Variants in FRYL observed in about 807,000 individuals in gnomAD.
The protein encoded by FRYL is protein furry homolog-like.
FRYL carries 150 observed loss-of-function variants against 351.2 expected under a neutral mutation model. That is an observed-to-expected ratio of 0.43 (90% CI 0.37 to 0.49). The LOEUF (loss-of-function observed/expected upper bound fraction) is 0.49. FRYL is among the 20% of genes least tolerant of loss of function. FRYL has a pLI of 0.00. For synonymous variants in FRYL, 1,153 were observed against 1,257.1 expected (o/e 0.92, Z 1.75); for missense variants, 3,036 against 3,619.3 (o/e 0.84, Z 4.13).
At chr4:48,609,221 C>T in intron 8 of FRYL, among the ~76,000 whole-genome samples, 154 bp from the exon 9 acceptor site, 1 of 152,232 alleles carries the variant, frequency 6.6e-6, no homozygotes, top group South Asian at 2.1e-4. Flanking sequence ...ATTCTATCTT[C>T]AATTTTACTT....
At chr4:48,679,325 G>A (rs1015851648) in intron 3 of FRYL, among the ~76,000 whole-genome samples, 3 of 151,838 alleles carry the variant, frequency 2.0e-5, no homozygotes, top group African/African-American at 4.8e-5. Flanking sequence ...ATTCTTTTAC[G>A]TAACTGGTAT....
intron 50 of FRYL, among the ~76,000 whole-genome samples, chr4:48,530,143 T>C (rs1727218868): frequency 6.6e-6 from 1 of 152,176 alleles, no homozygotes; most frequent in Non-Finnish European, 1.5e-5. Flanking sequence ...TGAGTCAACA[T>C]GTCCAAGACG....
At chr4:48,648,315 T>C (rs1490128006) in intron 3 of FRYL, among the ~76,000 whole-genome samples, 1 of 152,260 alleles carries the variant, frequency 6.6e-6, no homozygotes, top group African/African-American at 2.4e-5. Context: ...GTTTTTGCTA[T>C]TCTACATGGT....
At chr4:48,565,156 T>G in intron 29 of FRYL, 113 bp from the exon 30 acceptor site, 2 of 543,090 alleles carry the variant, frequency 3.7e-6, no homozygotes, top group Non-Finnish European at 3.2e-6. Context: ...ATCTTTTTTC[T>G]TTACAAATTA....
chr4:48,505,665 G>C (rs1720744261), intron 59 of FRYL, 50 bp from the exon 60 acceptor site: 1 of 1,138,020 alleles, frequency 8.8e-7, no homozygotes, highest in Non-Finnish European at 1.3e-6. Flanking sequence ...AATGGGTAGT[G>C]TAACAGCCTG....
chr4:48,564,497 TTAA>T (rs1433428710), intron 30 of FRYL, among the ~76,000 whole-genome samples: 8 of 152,192 alleles, frequency 5.3e-5, no homozygotes, highest in Non-Finnish European at 1.0e-4. Flanking sequence ...AAGTCCTATT[TTAA>T]ATTGTGAAGT....
In FRYL at chr4:48,580,681, C is replaced by T. The variant is rs548806284; in HGVS notation, c.2259+184G>A. The stretch of plus-strand genomic sequence containing the variant: ...TATTTCTATGTAGAAGAGTACTTAA[C>T]CAAGTATAAATGAATGTCACTTTTT... On this transcript the variant is annotated intron_variant, in intron 22 of 63. Transcript: ENST00000358350. 6.5e-5 allele frequency: 31 copies of T among 473,944 alleles called. No individual in the cohort carries two copies. The South Asian group carries it at 1.3e-3, about 20-fold the overall frequency. The allele number at this position is 473,944 out of a possible 1,614,324, so 29.4% of individuals were successfully genotyped here. A position where few individuals can be genotyped will look rare whatever the true frequency, so the allele number is the denominator to read the frequency against.
chr4:48,676,122 G>A (rs950250371), intron 3 of FRYL, among the ~76,000 whole-genome samples: 1 of 152,140 alleles, frequency 6.6e-6, no homozygotes, highest in African/African-American at 2.4e-5. Flanking sequence ...CAATCAGCAG[G>A]ATGTGGGTGG....
intron 25 of FRYL, 83 bp from the exon 26 acceptor site, chr4:48,573,326 A>T: frequency 2.2e-6 from 2 of 892,328 alleles, no homozygotes; most frequent in Non-Finnish European, 3.6e-6. Context: ...CATGATGTAA[A>T]CTGACAAGTG....
At chr4:48,757,930 C>T (rs1453675608) in intron 1 of FRYL, among the ~76,000 whole-genome samples, 1 of 152,100 alleles carries the variant, frequency 6.6e-6, no homozygotes, top group African/African-American at 2.4e-5. Context: ...GAAATAATAC[C>T]ATGCATCTAC....
At chr4:48,556,656 A>G (rs1734188047) in intron 35 of FRYL, among the ~76,000 whole-genome samples, 1 of 152,174 alleles carries the variant, frequency 6.6e-6, no homozygotes, top group Non-Finnish European at 1.5e-5. Context: ...AGAACTCTGC[A>G]ATTTTTTTAT....
intron 31 of FRYL, among the ~76,000 whole-genome samples, chr4:48,563,240 T>A (rs528055823): frequency 6.6e-6 from 1 of 151,762 alleles, no homozygotes; most frequent in African/African-American, 2.4e-5. Context: ...AGAATTGTCT[T>A]GTGTCACACA....
chr4:48,630,762 A>G (rs992726208), intron 4 of FRYL, among the ~76,000 whole-genome samples: 1 of 152,200 alleles, frequency 6.6e-6, no homozygotes, highest in African/African-American at 2.4e-5. Context: ...TAAGAATGAA[A>G]AAGCCAATTC....
At chr4:48,687,492 C>CGGGG (rs561805370) in intron 2 of FRYL, among the ~76,000 whole-genome samples, 5 of 46,566 alleles carry the variant, frequency 1.1e-4, no homozygotes, top group Non-Finnish European at 1.5e-4. Context: ...CAAATGAGGT[C>CGGGG]GGGGGGGGGG....
intron 1 of FRYL, among the ~76,000 whole-genome samples, chr4:48,719,509 T>G (rs1012260248): frequency 2.0e-5 from 3 of 151,784 alleles, no homozygotes; most frequent in African/African-American, 7.2e-5. Context: ...CTTAGAATAA[T>G]TGCTGGTAGA....
chr4:48,676,206 G>C (rs1442944055), intron 3 of FRYL, among the ~76,000 whole-genome samples: 1 of 152,144 alleles, frequency 6.6e-6, no homozygotes, highest in African/African-American at 2.4e-5. Flanking sequence ...TCCACACTGT[G>C]GAAGCTGTGT....
chr4:48,700,510 T>C (rs1766610735), intron 2 of FRYL, among the ~76,000 whole-genome samples: 1 of 152,164 alleles, frequency 6.6e-6, no homozygotes, highest in Non-Finnish European at 1.5e-5. Flanking sequence ...GTTTTAAAAA[T>C]AGTAACTTTC....
At chr4:48,628,431 C>CATGTGTGTGTGT (rs71191240) in intron 4 of FRYL, among the ~76,000 whole-genome samples, 4 of 144,662 alleles carry the variant, frequency 2.8e-5, no homozygotes, top group African/African-American at 5.1e-5. Context: ...CCTTCATTTG[C>CATGTGTGTGTGT]GTGTGTGTGT....
rs1196221686 is a variant in FRYL, at chr4:48,575,122, A to G, written c.2841T>C (p.Ala947=). The change falls in exon 25 of 64, where the codon GCT becomes GCC. Residue 947 remains alanine (A), a synonymous_variant. Coordinates refer to ENST00000358350, the MANE Select transcript of FRYL (RefSeq NM_015030.2). The stretch of plus-strand genomic sequence containing the variant: ...AAATGTACGAACATAGTTACCTAAA[A>G]GCTCCTGGGTTGGTCCTGCCAAGAC... The part of the protein sequence containing the change: ...VLGLGRTNPG[A]FRELIEELHP... 7 of 1,613,242 alleles carry G rather than the reference A, an allele frequency of 4.3e-6. No individual in the cohort carries two copies. Among genetic ancestry groups the G allele is most frequent in the Non-Finnish European group, 5.1e-6 (6 of 1,179,380 alleles).
Sources: gnomAD v4.1 joint callset for allele counts (sites outside exome capture counted in the v4.1 genomes callset) on GRCh38, gnomAD v4.1.1 for gene constraint, MANE v1.5 for transcripts, NCBI Gene and HGNC (gene_info 2026-07-23, HGNC 2026-07-21) for gene names.